Variants in MYO5C observed in about 807,000 individuals in gnomAD.
The protein encoded by MYO5C is myosin VC.
In MYO5C, 194 loss-of-function variants were observed where a neutral mutation model predicts 235.7. The ratio of observed to expected loss-of-function variants is 0.82; its 90% CI spans 0.73 to 0.93. The LOEUF (loss-of-function observed/expected upper bound fraction) is 0.93. MYO5C is among the 40% of genes least tolerant of loss of function. The pLI is 0.00. For synonymous variants in MYO5C, 707 were observed against 754.8 expected, an observed-to-expected ratio of 0.94 and a Z score of 1.04; for missense variants, 2,038 against 2,127.2, an observed-to-expected ratio of 0.96 and a Z score of 0.82.
At chr15:52,200,976 G>T (rs2035174085) in intron 38 of MYO5C, among the ~76,000 whole-genome samples, 1 of 152,112 alleles carries the variant, frequency 6.6e-6, no homozygotes. Flanking sequence ...GATTAACAGA[G>T]ATTATCCAAT....
At chr15:52,247,227 G>T (rs372713931) in intron 15 of MYO5C, among the ~76,000 whole-genome samples, 2 of 152,216 alleles carry the variant, frequency 1.3e-5, no homozygotes, top group South Asian at 2.1e-4. Context: ...AGACAGCAGA[G>T]AACTGAATAA....
At chr15:52,266,724 T>C (rs992119038) in intron 8 of MYO5C, among the ~76,000 whole-genome samples, 1 of 152,116 alleles carries the variant, frequency 6.6e-6, no homozygotes, top group Non-Finnish European at 1.5e-5. Context: ...CACCGCAATA[T>C]GAGAAAAGAC....
chr15:52,258,745 A>T (rs2036631597), intron 10 of MYO5C, among the ~76,000 whole-genome samples: 1 of 152,252 alleles, frequency 6.6e-6, no homozygotes. Context: ...CAAGGGTGGC[A>T]GCAAACAGGC....
chr15:52,214,203 G>A (rs2035506727), intron 33 of MYO5C, among the ~76,000 whole-genome samples: 1 of 152,150 alleles, frequency 6.6e-6, no homozygotes, highest in African/African-American at 2.4e-5. Context: ...TCCATGTTCA[G>A]GATGTCTGCT....
intron 9 of MYO5C, 99 bp downstream of exon 9, chr15:52,264,091 C>T (rs1454013723): frequency 1.0e-5 from 9 of 859,906 alleles, no homozygotes; most frequent in African/African-American, 3.4e-5. Context: ...CCCAGGAGGC[C>T]GACTATATCT....
At chr15:52,212,870 G>A (rs951960502) in intron 34 of MYO5C, among the ~76,000 whole-genome samples, 2 of 152,186 alleles carry the variant, frequency 1.3e-5, no homozygotes, top group Admixed American at 6.5e-5. Flanking sequence ...AAAAGGTCAG[G>A]GCAGTGGTTC....
chr15:52,269,891 T>C, intron 7 of MYO5C, 31 bp from the exon 8 acceptor site: 2 of 1,467,022 alleles, frequency 1.4e-6, no homozygotes, highest in African/African-American at 2.8e-5. Context: ...TTGTTATGTC[T>C]GTAACACAGA....
intron 9 of MYO5C, among the ~76,000 whole-genome samples, chr15:52,261,655 C>T (rs372705257): frequency 6.6e-6 from 1 of 152,186 alleles, no homozygotes; most frequent in Non-Finnish European, 1.5e-5. Flanking sequence ...TCAGCTGACA[C>T]GAGGGCTGGG....
At position 52,291,985 on chromosome 15, in the gene MYO5C, C is replaced by T. The variant is rs940547861; in HGVS notation, c.27+3625G>A. Among the ~76,000 whole-genome samples, 38 of 151,888 alleles carry T rather than the reference C, an allele frequency of 2.5e-4. 1 individual carries two copies. Among genetic ancestry groups the T allele is most frequent in the Admixed American group, 2.5e-3 (38 of 15,248 alleles). On this transcript the variant is annotated intron_variant, in intron 1 of 40. Transcript: ENST00000261839. ...CGACCTCCTGACCTCGTGATCCGCC[C>T]GCCTCGGCCTCCCAAAGTGCTGGGA...
intron 5 of MYO5C, among the ~76,000 whole-genome samples, chr15:52,274,813 C>A (rs2037005375): frequency 6.6e-6 from 1 of 152,194 alleles, no homozygotes; most frequent in South Asian, 2.1e-4. Context: ...AGTAGATTGT[C>A]TGATAAATAT....
chr15:52,244,296 C>T (rs759778042), intron 19 of MYO5C, 60 bp downstream of exon 19: 25 of 1,539,884 alleles, frequency 1.6e-5, no homozygotes, highest in Admixed American at 7.0e-5. Context: ...TCCTCCCCGC[C>T]GGAGATGATC....
At chr15:52,295,501 C>G in intron 1 of MYO5C, 109 bp downstream of exon 1, 4 of 1,299,324 alleles carry the variant, frequency 3.1e-6, no homozygotes, top group Non-Finnish European at 3.0e-6. Flanking sequence ...CCCGCCCTGC[C>G]GTGTCAGGTG....
intron 1 of MYO5C, among the ~76,000 whole-genome samples, chr15:52,291,729 A>ATGT (rs2037391078): frequency 6.4e-5 from 3 of 46,718 alleles, no homozygotes; most frequent in Non-Finnish European, 9.1e-5. Flanking sequence ...TGCATATTTT[A>ATGT]TGTTTTTTTT....
intron 8 of MYO5C, among the ~76,000 whole-genome samples, chr15:52,265,543 GT>G (rs11333781): frequency 0.25 from 36,327 of 143,024 alleles, 5,670 homozygotes; most frequent in East Asian, 0.81. Context: ...ACAGTTTTTT[GT>G]TTTTTTTTTT....
intron 19 of MYO5C, chr15:52,243,215 T>C (rs1298274574): frequency 6.6e-6 from 1 of 152,352 alleles, no homozygotes; most frequent in Non-Finnish European, 1.5e-5. Flanking sequence ...TGCAGGGCAG[T>C]GTCTCAATCA....
At chr15:52,248,937 C>T (rs2036412099) in intron 13 of MYO5C, among the ~76,000 whole-genome samples, 154 bp from the exon 14 acceptor site, 1 of 152,146 alleles carries the variant, frequency 6.6e-6, no homozygotes, top group Non-Finnish European at 1.5e-5. Flanking sequence ...ATGGCAGCAG[C>T]CCCATTATGT....
intron 32 of MYO5C, among the ~76,000 whole-genome samples, 192 bp downstream of exon 32, chr15:52,218,327 C>T (rs778007651): frequency 1.3e-5 from 2 of 152,210 alleles, no homozygotes; most frequent in Non-Finnish European, 2.9e-5. Context: ...CCCAGGCGGG[C>T]CTGTAAGTCC....
chr15:52,225,546 A>G lies in MYO5C; in HGVS notation c.3208-14T>C, dbSNP rs2035802015. On this transcript the variant is annotated splice_polypyrimidine_tract_variant and intron_variant, in intron 25 of 40. Coordinates refer to ENST00000261839, the MANE Select transcript of MYO5C (RefSeq NM_018728.4). ...CTCAGAGATTGTCTGAATCACAGCA[A>G]TGACGGAATCAGGTAAAGAAAAAAC... 2 of 1,582,260 alleles carry G rather than the reference A, an allele frequency of 1.3e-6. No homozygotes were observed.
At chr15:52,289,565 C>G (rs2140873301) in intron 1 of MYO5C, among the ~76,000 whole-genome samples, 1 of 152,292 alleles carries the variant, frequency 6.6e-6, no homozygotes, top group South Asian at 2.1e-4. Context: ...CCTGTCCGCC[C>G]CTGCCTACCA....
Sources: gnomAD v4.1 joint callset for allele counts (sites outside exome capture counted in the v4.1 genomes callset) on GRCh38, gnomAD v4.1.1 for gene constraint, MANE v1.5 for transcripts, NCBI Gene and HGNC (gene_info 2026-07-23, HGNC 2026-07-21) for gene names.